Variants in OTUD7A observed in about 807,000 individuals in gnomAD.
The protein encoded by OTUD7A is OTU deubiquitinase 7A, also known as OTU domain-containing protein 7A.
Under a neutral mutation model 65.7 loss-of-function variants are expected in OTUD7A, and 12 were observed. The ratio of observed to expected loss-of-function variants is 0.18; its 90% CI spans 0.12 to 0.30. OTUD7A has a LOEUF of 0.30. Ranked by LOEUF, OTUD7A falls within the 10% of genes least tolerant of loss-of-function variation. The pLI is 1.00. For missense variants in OTUD7A, 1,148 were observed against 1,304.8 expected (o/e 0.88, Z 1.85); for synonymous variants, 641 against 586.3 (o/e 1.09, Z -1.35).
At chr15:31,515,136 A>AGT (rs143747773) in intron 8 of OTUD7A, among the ~76,000 whole-genome samples, 230 of 152,228 alleles carry the variant, frequency 1.5e-3, no homozygotes, top group African/African-American at 5.2e-3. Context: ...AGAGAGAAAT[A>AGT]CCCCAGCTAG....
At chr15:31,660,756 A>T (rs1363728620) in intron 1 of OTUD7A, among the ~76,000 whole-genome samples, 1 of 152,264 alleles carries the variant, frequency 6.6e-6, no homozygotes, top group East Asian at 1.9e-4. Context: ...AAGTGGCTAT[A>T]GGAATGTCTG....
At chr15:31,552,457 G>A (rs767762972) in intron 5 of OTUD7A, among the ~76,000 whole-genome samples, 2 of 152,170 alleles carry the variant, frequency 1.3e-5, no homozygotes, top group Non-Finnish European at 2.9e-5. Flanking sequence ...AAGAAAAATA[G>A]GAAATACCAC....
In OTUD7A at chr15:31,484,778, C is replaced by T. The variant is rs916600809; in HGVS notation, c.1372-54G>A. ...GGTGGTTAGAGAAGAGCTGTCCACG[C>T]GCCAGCGAGGAAGACACACCTTGCC... On this transcript the variant is annotated intron_variant, in intron 12 of 12. Transcript: ENST00000307050. This position sits in a 1 kb window ranked among gnomAD's most constrained non-coding sequence, Gnocchi z 4.5. The T allele has an allele frequency of 1.5e-5, 24 of 1,557,602 alleles. No homozygotes were observed. Among genetic ancestry groups the T allele is most frequent in the Admixed American group, 5.5e-5 (3 of 54,890 alleles).
chr15:31,621,711 CTT>C (rs1890789709), intron 3 of OTUD7A, among the ~76,000 whole-genome samples: 1 of 151,816 alleles, frequency 6.6e-6, no homozygotes, highest in South Asian at 2.1e-4. Flanking sequence ...TCTCTTGACT[CTT>C]TATCCTATTT....
At chr15:31,620,542 A>G in intron 3 of OTUD7A, among the ~76,000 whole-genome samples, 1 of 150,794 alleles carries the variant, frequency 6.6e-6, no homozygotes, top group Non-Finnish European at 1.5e-5. Flanking sequence ...TAGATTTTCT[A>G]GTTTATTTGT....
At chr15:31,602,970 A>G (rs1487128404) in intron 3 of OTUD7A, among the ~76,000 whole-genome samples, 1 of 152,356 alleles carries the variant, frequency 6.6e-6, no homozygotes, top group Non-Finnish European at 1.5e-5. Flanking sequence ...AAAACATTCC[A>G]TGCTCATGGA....
intron 3 of OTUD7A, among the ~76,000 whole-genome samples, chr15:31,617,001 T>C (rs1214057436): frequency 6.6e-6 from 1 of 152,056 alleles, no homozygotes; most frequent in East Asian, 1.9e-4. Flanking sequence ...ATAGCAAATT[T>C]AACCAACAAA....
At chr15:31,528,868 C>T (rs2042050766) in intron 6 of OTUD7A, among the ~76,000 whole-genome samples, 1 of 152,228 alleles carries the variant, frequency 6.6e-6, no homozygotes, top group Admixed American at 6.5e-5. Context: ...GCTATATGGG[C>T]ACAAAATGAA....
intron 1 of OTUD7A, among the ~76,000 whole-genome samples, chr15:31,667,815 C>G (rs1426423489): frequency 6.6e-6 from 1 of 152,102 alleles, no homozygotes; most frequent in Non-Finnish European, 1.5e-5. Context: ...ATTTAGAGCT[C>G]CTTTTAGCAG....
chr15:31,511,148 G>A (rs1175114365), intron 8 of OTUD7A, among the ~76,000 whole-genome samples: 3 of 20,346 alleles, frequency 1.5e-4, no homozygotes, highest in Non-Finnish European at 1.6e-4. Flanking sequence ...ACATACATAT[G>A]TATATCTATA....
chr15:31,829,914 A>T (rs1031226313), intron 1 of OTUD7A, among the ~76,000 whole-genome samples: 2 of 152,154 alleles, frequency 1.3e-5, no homozygotes, highest in African/African-American at 4.8e-5. Context: ...TGAACACGAC[A>T]ATCTCTGCTG....
At chr15:31,713,557 T>C (rs1344194545) in intron 1 of OTUD7A, among the ~76,000 whole-genome samples, 2 of 151,822 alleles carry the variant, frequency 1.3e-5, no homozygotes, top group African/African-American at 2.4e-5. Context: ...AGGCAGAGGT[T>C]GCAATGAGCT....
intron 4 of OTUD7A, among the ~76,000 whole-genome samples, chr15:31,565,217 G>C (rs569046583): frequency 3.9e-5 from 6 of 152,296 alleles, no homozygotes; most frequent in African/African-American, 1.4e-4. Flanking sequence ...GCATTCATTT[G>C]CAACAGTTCA....
rs1053739800 is a variant in OTUD7A at position 31,480,674 on chromosome 15, C to T, written c.*2620G>A. Reference sequence around the variant, plus strand: ...CGCCTCTTCTCAAGGAGCATGCTGTCGGTGCACGGGACTAGCACATTTAAT... The same window carrying T: ...CGCCTCTTCTCAAGGAGCATGCTGTTGGTGCACGGGACTAGCACATTTAAT... On this transcript the variant is annotated 3_prime_UTR_variant, in exon 13 of 13. Coordinates refer to ENST00000307050, the MANE Select transcript of OTUD7A (RefSeq NM_001382637.1). The T allele has an allele frequency of 5.3e-5, 8 of 152,372 alleles. 1 individual carries two copies. The highest frequency in any genetic ancestry group is 1.9e-4 in the East Asian group (1 of 5,194). The allele number at this position is 152,372 out of a possible 1,614,324, so 9.4% of individuals were successfully genotyped here. A position where few individuals can be genotyped will look rare whatever the true frequency, so the allele number is the denominator to read the frequency against.
intron 3 of OTUD7A, among the ~76,000 whole-genome samples, chr15:31,638,939 C>G (rs1421180890): frequency 2.0e-5 from 3 of 152,100 alleles, no homozygotes; most frequent in East Asian, 1.9e-4. Context: ...TCGAGACCAT[C>G]CCGGCTAACA....
chr15:31,483,876 A>C lies in OTUD7A; in HGVS notation c.2220T>G (p.Arg740=), dbSNP rs1215297695. 6.1e-6 allele frequency: 6 copies of C among 988,782 alleles called. No individual in the cohort carries two copies. Among genetic ancestry groups the C allele is most frequent in the East Asian group, 1.1e-4 (1 of 8,918 alleles). 61.3% of individuals were successfully genotyped at this position (988,782 alleles called of 1,614,324 possible). A position where few individuals can be genotyped will look rare whatever the true frequency, so the allele number is the denominator to read the frequency against. ...TGCCGCCCGCCGCCGCCCGCGCCGC[A>C]CGCCCTGCCGCGGGCCCGGGGCTCG... The part of the protein sequence containing the change: ...ERPSPGPAAG[R]AARAAAGGTA... The change falls in exon 13 of 13, where the codon CGT becomes CGG. Residue 740 remains arginine, a synonymous_variant. Coordinates refer to ENST00000307050, the MANE Select transcript of OTUD7A (RefSeq NM_001382637.1).
intron 3 of OTUD7A, among the ~76,000 whole-genome samples, chr15:31,601,870 C>T (rs537210791): frequency 2.0e-5 from 3 of 152,300 alleles, no homozygotes; most frequent in South Asian, 2.1e-4. Flanking sequence ...CGGATAAATT[C>T]CTGGACATAT....
At chr15:31,643,569 T>A (rs953311008) in intron 3 of OTUD7A, among the ~76,000 whole-genome samples, 1 of 152,230 alleles carries the variant, frequency 6.6e-6, no homozygotes, top group African/African-American at 2.4e-5. Context: ...TAATAACTTT[T>A]AGTGCCCTTG....
rs534550300 is a variant in OTUD7A at position 31,513,418 on chromosome 15, T to C, written c.894-9600A>G. ...TTACATGCAATCACCAGACCCCACG[T>C]GTGTGTGCCAGCTGTCCCAATAATG... is the stretch of plus-strand genomic sequence containing the variant. On this transcript the variant is annotated intron_variant, in intron 8 of 12. Coordinates refer to ENST00000307050, the MANE Select transcript of OTUD7A (RefSeq NM_001382637.1). 3.9e-5 allele frequency among the ~76,000 whole-genome samples: 6 copies of C among 152,272 alleles called. No individual in the cohort carries two copies. The South Asian group carries it at 1.2e-3, about 32-fold the overall frequency.
Sources: allele counts gnomAD v4.1 joint callset (sites outside exome capture counted in the v4.1 genomes callset), GRCh38; gene constraint gnomAD v4.1.1; non-coding constraint Gnocchi (gnomAD v3.1); transcripts MANE v1.5; gene names NCBI Gene and HGNC (gene_info 2026-07-23, HGNC 2026-07-21).